The following CDH8 variants were observed in gnomAD, a reference collection of about 807,000 sequenced individuals.
CDH8 encodes cadherin-8.
Under a neutral mutation model 68.1 loss-of-function variants are expected in CDH8, and 17 were observed. The observed-to-expected ratio is 0.25, with a 90% CI of 0.17 to 0.37. The LOEUF (loss-of-function observed/expected upper bound fraction) is 0.37, where lower values mean the gene tolerates loss of function less well. CDH8 is among the 10% of genes least tolerant of loss of function. The probability of loss-of-function intolerance (pLI) is 1.00; values close to 1 mark genes in which losing one functional copy is unlikely to be tolerated. For synonymous variants in CDH8, 372 were observed against 365.1 expected (o/e 1.02, Z -0.21); for missense variants, 763 against 999.3 (o/e 0.76, Z 3.19).
At chr16:61,825,691 C>A (rs1015794863) in intron 4 of CDH8, among the ~76,000 whole-genome samples, 1 of 151,740 alleles carries the variant, frequency 6.6e-6, no homozygotes, top group Non-Finnish European at 1.5e-5. Context: ...AATAAAATAC[C>A]AATCAGAATT....
intron 2 of CDH8, among the ~76,000 whole-genome samples, chr16:61,935,949 A>C (rs1203352002): frequency 1.3e-5 from 2 of 152,076 alleles, no homozygotes; most frequent in African/African-American, 4.8e-5. Context: ...AGGCATTGTG[A>C]AGGTTTACAG....
intron 2 of CDH8, among the ~76,000 whole-genome samples, chr16:61,998,118 A>T (rs544058582): frequency 6.6e-6 from 1 of 152,330 alleles, no homozygotes; most frequent in African/African-American, 2.4e-5. Context: ...ATGGAAAAAA[A>T]TATCCCCAAC....
intron 4 of CDH8, among the ~76,000 whole-genome samples, chr16:61,826,566 C>T (rs1962340336): frequency 6.6e-6 from 1 of 151,754 alleles, no homozygotes; most frequent in Admixed American, 6.6e-5. Flanking sequence ...TCACTTCTAA[C>T]CCAGGGGCAC....
chr16:61,876,533 C>T (rs1963464455), intron 3 of CDH8, among the ~76,000 whole-genome samples: 1 of 151,994 alleles, frequency 6.6e-6, no homozygotes, highest in Admixed American at 6.6e-5. Flanking sequence ...TTTCAAATAT[C>T]CTTGGAAACT....
intron 4 of CDH8, among the ~76,000 whole-genome samples, chr16:61,838,996 A>G (rs909479129): frequency 6.6e-6 from 1 of 152,130 alleles, no homozygotes; most frequent in Admixed American, 6.6e-5. Context: ...GTACAGCATA[A>G]TAAGTGACTT....
intron 3 of CDH8, among the ~76,000 whole-genome samples, chr16:61,857,879 A>G (rs1567502874): frequency 1.3e-5 from 2 of 152,096 alleles, no homozygotes; most frequent in Admixed American, 6.6e-5. Flanking sequence ...ATATAGGGGA[A>G]ATTTAATGCC....
Position 61,652,899 on chromosome 16 carries a change from C to G in CDH8, c.*709G>C. Reference sequence around the variant, plus strand: ...GAGGAGGGAACGAGGAATCCTGCTTCTAGAAAACAAGCATGTTTGAATGGG... The same window carrying G: ...GAGGAGGGAACGAGGAATCCTGCTTGTAGAAAACAAGCATGTTTGAATGGG... On this transcript the variant is annotated 3_prime_UTR_variant, in exon 12 of 12. Transcript: ENST00000577390. 6.6e-7 allele frequency: 1 copy of G among 1,525,964 alleles called. No homozygotes were observed. Among genetic ancestry groups the G allele is most frequent in the Non-Finnish European group, 8.8e-7 (1 of 1,142,064 alleles). The allele number at this position is 1,525,964 out of a possible 1,614,324, so 94.5% of individuals were successfully genotyped here.
chr16:62,032,330 T>A (rs900670164), intron 1 of CDH8, among the ~76,000 whole-genome samples: 2 of 152,152 alleles, frequency 1.3e-5, no homozygotes, highest in Non-Finnish European at 2.9e-5. Flanking sequence ...GCTGTGTATA[T>A]GTGTGTGTGT....
intron 2 of CDH8, among the ~76,000 whole-genome samples, chr16:61,963,893 C>A (rs1597095271): frequency 6.6e-6 from 1 of 152,172 alleles, no homozygotes; most frequent in Non-Finnish European, 1.5e-5. Flanking sequence ...CTTATCTCTA[C>A]AGAAAAAGAA....
At chr16:61,689,588 G>T (rs1431828619) in intron 10 of CDH8, among the ~76,000 whole-genome samples, 1 of 151,930 alleles carries the variant, frequency 6.6e-6, no homozygotes, top group Non-Finnish European at 1.5e-5. Context: ...TTAAAATGAG[G>T]ATAACAATAA....
At chr16:62,029,575 C>G (rs1391432755) in intron 1 of CDH8, among the ~76,000 whole-genome samples, 1 of 152,164 alleles carries the variant, frequency 6.6e-6, no homozygotes, top group Non-Finnish European at 1.5e-5. Context: ...TGACATTGTC[C>G]ATGACTATTT....
intron 4 of CDH8, among the ~76,000 whole-genome samples, chr16:61,836,428 A>C (rs1962570701): frequency 6.6e-6 from 1 of 152,010 alleles, no homozygotes. Context: ...ACGCATGATA[A>C]AATATTTAGC....
At chr16:61,698,060 T>C (rs903467833) in intron 10 of CDH8, among the ~76,000 whole-genome samples, 6 of 152,210 alleles carry the variant, frequency 3.9e-5, no homozygotes, top group Admixed American at 6.5e-5. Flanking sequence ...TATAAATGTA[T>C]TTACTCTCTC....
intron 1 of CDH8, among the ~76,000 whole-genome samples, chr16:62,026,043 T>C (rs1339227763): frequency 6.6e-6 from 1 of 152,194 alleles, no homozygotes; most frequent in African/African-American, 2.4e-5. Flanking sequence ...CCAGCAATAG[T>C]TAGAGGCAGA....
At chr16:61,850,124 G>A (rs1845810982) in intron 4 of CDH8, among the ~76,000 whole-genome samples, 1 of 152,038 alleles carries the variant, frequency 6.6e-6, no homozygotes, top group African/African-American at 2.4e-5. Flanking sequence ...TTGGCTCATG[G>A]TTCTGCAAGC....
chr16:61,825,263 AC>A, intron 4 of CDH8, 84 bp from the exon 5 acceptor site: 1 of 948,580 alleles, frequency 1.1e-6, no homozygotes. Context: ...GCACACATAC[AC>A]ACAAGCATAC....
At chr16:61,976,510 G>A (rs771872618) in intron 2 of CDH8, among the ~76,000 whole-genome samples, 1 of 152,030 alleles carries the variant, frequency 6.6e-6, no homozygotes, top group Non-Finnish European at 1.5e-5. Context: ...AGGGACCAGA[G>A]GCAGAGTTGT....
At chr16:61,800,728 A>C (rs1409724231) in intron 7 of CDH8, among the ~76,000 whole-genome samples, 1 of 152,204 alleles carries the variant, frequency 6.6e-6, no homozygotes, top group Non-Finnish European at 1.5e-5. Context: ...TTGACAAATG[A>C]ATGAAAATAG....
At chr16:61,773,868 A>T (rs1462832971) in intron 8 of CDH8, among the ~76,000 whole-genome samples, 2 of 152,046 alleles carry the variant, frequency 1.3e-5, no homozygotes, top group African/African-American at 2.4e-5. Flanking sequence ...GGACCAGAAA[A>T]TATCAGCATT....
Sources: allele counts gnomAD v4.1 joint callset (sites outside exome capture counted in the v4.1 genomes callset), GRCh38; gene constraint gnomAD v4.1.1; transcripts MANE v1.5; gene names NCBI Gene and HGNC (gene_info 2026-07-23, HGNC 2026-07-21).